CDH13: variants seen among roughly 807,000 people sequenced by gnomAD.
CDH13 encodes the protein cadherin 13, also known as cadherin-13.
In CDH13, 24 loss-of-function variants were observed where a neutral mutation model predicts 63.8. The ratio of observed to expected loss-of-function variants is 0.38; its 90% CI spans 0.27 to 0.53. The LOEUF (loss-of-function observed/expected upper bound fraction) is 0.53. Among genes scored for constraint, CDH13 ranks in the 20% least tolerant of loss-of-function variants. The pLI is 0.85. For synonymous variants in CDH13, 503 were observed against 355.3 expected, an observed-to-expected ratio of 1.42 and a Z score of -4.67; for missense variants, 1,049 against 903.1, an observed-to-expected ratio of 1.16 and a Z score of -2.07.
At chr16:83,404,980 C>G (rs1201025725) in intron 6 of CDH13, among the ~76,000 whole-genome samples, 2 of 152,072 alleles carry the variant, frequency 1.3e-5, no homozygotes, top group African/African-American at 4.8e-5. Context: ...CAAAGTAGCC[C>G]ATTATCTCAG....
At chr16:83,680,210 C>T (rs775989016) in intron 10 of CDH13, among the ~76,000 whole-genome samples, 68 of 152,304 alleles carry the variant, frequency 4.5e-4, no homozygotes, top group African/African-American at 1.3e-3. Context: ...AAACCAGCTC[C>T]AGCTGTTTTC....
At chr16:83,436,556 A>G (rs1411293197) in intron 6 of CDH13, among the ~76,000 whole-genome samples, 1 of 152,248 alleles carries the variant, frequency 6.6e-6, no homozygotes, top group South Asian at 2.1e-4. Context: ...CTTTCTTCAA[A>G]GCAGTATGAG....
intron 6 of CDH13, among the ~76,000 whole-genome samples, chr16:83,433,778 C>T (rs2072200629): frequency 6.6e-6 from 1 of 152,196 alleles, no homozygotes; most frequent in Non-Finnish European, 1.5e-5. Flanking sequence ...CTTGTTTATG[C>T]AAGAACCGTG....
chr16:83,634,089 G>A lies in CDH13; in HGVS notation c.1101+31495G>A, dbSNP rs139117779. Among the ~76,000 whole-genome samples, 7 of 150,956 alleles carry A rather than the reference G, an allele frequency of 4.6e-5. No individual in the cohort carries two copies. In the East Asian group the frequency reaches 5.9e-4, roughly 13 times the overall value. On this transcript the variant is annotated intron_variant, in intron 8 of 13. Transcript: ENST00000567109. ...CACAATACTATTAACCAGACCTCAC[G>A]AAGTCTCCACCCATTTTTGTGTGTT... is the stretch of plus-strand genomic sequence containing the variant.
At chr16:83,136,524 G>C (rs1037317176) in intron 4 of CDH13, among the ~76,000 whole-genome samples, 12 of 150,518 alleles carry the variant, frequency 8.0e-5, no homozygotes, top group African/African-American at 2.9e-4. Flanking sequence ...GACTTCACTA[G>C]AGGAAGGAGA....
At position 83,572,175 on chromosome 16, in the gene CDH13, G is replaced by GGTGTGTGTGTGTGTGT. The variant is rs71148844; in HGVS notation, c.961-30259_961-30244dup. ...GGTATTTTTTATTCCACTTTCCTGT[G>GGTGTGTGTGTGTGTGT]GTGTGTGTGTGTGTGTGTGTGTGTG... On this transcript the variant is annotated intron_variant, in intron 7 of 13. Transcript: ENST00000567109. Among the ~76,000 whole-genome samples, 128 of 145,690 alleles carry GGTGTGTGTGTGTGTGT rather than the reference G, an allele frequency of 8.8e-4. 2 individuals are homozygous for GGTGTGTGTGTGTGTGT. Among genetic ancestry groups the GGTGTGTGTGTGTGTGT allele is most frequent in the East Asian group, 4.3e-3 (21 of 4,846 alleles).
At chr16:83,349,580 GCAT>G (rs140755737) in intron 6 of CDH13, among the ~76,000 whole-genome samples, 6,527 of 76,590 alleles carry the variant, frequency 0.085, 306 homozygotes, top group East Asian at 0.42. Context: ...AACTTGAGGT[GCAT>G]TATTATTATT....
intron 8 of CDH13, among the ~76,000 whole-genome samples, chr16:83,603,587 T>G (rs939158691): frequency 1.3e-5 from 2 of 152,088 alleles, no homozygotes; most frequent in African/African-American, 4.8e-5. Context: ...TCATCTGCCA[T>G]CAATGCTTCC....
intron 10 of CDH13, among the ~76,000 whole-genome samples, chr16:83,700,000 C>G (rs984763668): frequency 3.3e-5 from 5 of 152,200 alleles, no homozygotes; most frequent in African/African-American, 1.2e-4. Flanking sequence ...TCCCTTGACG[C>G]TATCACCGTG....
intron 2 of CDH13, among the ~76,000 whole-genome samples, chr16:82,924,339 G>A (rs906958841): frequency 1.3e-5 from 2 of 151,792 alleles, no homozygotes; most frequent in Non-Finnish European, 2.9e-5. Flanking sequence ...CCTCCAATTC[G>A]TAAAAGTCAA....
chr16:83,664,245 G>A (rs577877303), intron 8 of CDH13, among the ~76,000 whole-genome samples: 2 of 152,210 alleles, frequency 1.3e-5, no homozygotes, highest in East Asian at 3.9e-4. Context: ...TCTGGCTCCT[G>A]TAGTCACTTC....
At chr16:83,691,059 A>G (rs1287303485) in intron 10 of CDH13, among the ~76,000 whole-genome samples, 1 of 147,876 alleles carries the variant, frequency 6.8e-6, no homozygotes, top group Admixed American at 7.0e-5. Context: ...GGGATTTGCT[A>G]ACCAACTGTG....
intron 3 of CDH13, among the ~76,000 whole-genome samples, chr16:83,093,294 CTTTTTTTTTTTTTTTTTTT>C (rs549590536): frequency 4.5e-4 from 16 of 35,326 alleles, no homozygotes; most frequent in Admixed American, 4.3e-3. Context: ...ACCATAAGTA[CTTTTTTTTTTTTTTTTTTT>C]TTTTTTTTTT....
chr16:82,665,611 G>A (rs79637037), intron 1 of CDH13, among the ~76,000 whole-genome samples: 3,743 of 152,040 alleles, frequency 0.025, 63 homozygotes, highest in Non-Finnish European at 0.037. Flanking sequence ...TCAAAAAGGC[G>A]GCTGCATGCC....
At chr16:83,708,966 A>T (rs1340563605) in intron 10 of CDH13, among the ~76,000 whole-genome samples, 3 of 152,194 alleles carry the variant, frequency 2.0e-5, no homozygotes, top group East Asian at 3.8e-4. Context: ...GGAGGTTGTG[A>T]TGAGCCAAGA....
intron 1 of CDH13, among the ~76,000 whole-genome samples, chr16:82,733,797 A>C (rs2033526239): frequency 6.6e-6 from 1 of 152,252 alleles, no homozygotes; most frequent in Non-Finnish European, 1.5e-5. Flanking sequence ...ACACTACTTA[A>C]CACAAAACAA....
At chr16:83,149,297 C>T (rs1196786889) in intron 4 of CDH13, among the ~76,000 whole-genome samples, 4 of 152,182 alleles carry the variant, frequency 2.6e-5, no homozygotes, top group Admixed American at 6.5e-5. Context: ...AGAGAATACA[C>T]ATTTATACTC....
intron 2 of CDH13, among the ~76,000 whole-genome samples, chr16:82,871,698 C>G (rs1281171595): frequency 6.6e-6 from 1 of 152,162 alleles, no homozygotes; most frequent in Non-Finnish European, 1.5e-5. Flanking sequence ...AAATTATCAG[C>G]TCACATGATT....
chr16:83,768,047 G>T (rs1914517745), intron 11 of CDH13, among the ~76,000 whole-genome samples: 1 of 152,094 alleles, frequency 6.6e-6, no homozygotes, highest in South Asian at 2.1e-4. Flanking sequence ...AGTTTAACAT[G>T]TTCATGGTTA....
Sources: allele counts gnomAD v4.1 joint callset (sites outside exome capture counted in the v4.1 genomes callset), GRCh38; gene constraint gnomAD v4.1.1; transcripts MANE v1.5; gene names NCBI Gene and HGNC (gene_info 2026-07-23, HGNC 2026-07-21).